The following ADAM12 variants were observed in gnomAD, a reference collection of about 807,000 sequenced individuals.
ADAM12 encodes the protein ADAM metallopeptidase domain 12.
ADAM12 carries 70 observed loss-of-function variants against 106.4 expected under a neutral mutation model. That is an observed-to-expected ratio of 0.66 (90% CI 0.54 to 0.80). ADAM12 has a LOEUF of 0.80. ADAM12 is among the 30% of genes least tolerant of loss of function. The probability of loss-of-function intolerance (pLI) is 0.00; values close to 1 mark genes in which losing one functional copy is unlikely to be tolerated. For synonymous variants in ADAM12, 420 were observed against 433.5 expected, an observed-to-expected ratio of 0.97 and a Z score of 0.39; for missense variants, 1,010 against 1,171.9, an observed-to-expected ratio of 0.86 and a Z score of 2.02.
intron 2 of ADAM12, among the ~76,000 whole-genome samples, chr10:126,306,127 T>C (rs1960834300): frequency 6.6e-6 from 1 of 152,138 alleles, no homozygotes; most frequent in South Asian, 2.1e-4. Context: ...TCTGGCATCC[T>C]TCTACTTATT....
chr10:126,281,277 T>C (rs1244430744), intron 2 of ADAM12, among the ~76,000 whole-genome samples: 1 of 152,244 alleles, frequency 6.6e-6, no homozygotes, highest in Non-Finnish European at 1.5e-5. Context: ...GTTTCATATG[T>C]ATGTATATAT....
At chr10:126,116,000 C>T (rs80296544) in intron 6 of ADAM12, among the ~76,000 whole-genome samples, 4,450 of 152,246 alleles carry the variant, frequency 0.029, 145 homozygotes, top group East Asian at 0.15. Context: ...CTGAGTTGAC[C>T]GGCATTGATG....
chr10:126,340,407 G>C (rs1854882305), intron 1 of ADAM12, among the ~76,000 whole-genome samples: 1 of 152,184 alleles, frequency 6.6e-6, no homozygotes, highest in Non-Finnish European at 1.5e-5. Context: ...CAACAACCCT[G>C]TGATATTTAT....
rs963196037 is a variant in ADAM12 at position 126,066,415 on chromosome 10, C to T, written c.1413+302G>A. 6.6e-6 allele frequency among the ~76,000 whole-genome samples: 1 copy of T among 152,208 alleles called. No homozygotes were observed. Among genetic ancestry groups the T allele is most frequent in the Non-Finnish European group, 1.5e-5 (1 of 68,040 alleles). On this transcript the variant is annotated intron_variant, in intron 13 of 22. Transcript: ENST00000448723. The surrounding 1 kb of genome is among the most constrained non-coding windows in gnomAD (Gnocchi z 5.1). ...TCTTCTTGTCAGCATAGTAGAACCC[C>T]ATGTGCCTCTGACGGCACAAATGGA...
Position 126,064,743 on chromosome 10 carries a change from C to G in ADAM12, c.1609+63G>C. 6.7e-7 allele frequency: 1 copy of G among 1,501,280 alleles called. No individual in the cohort carries two copies. Among genetic ancestry groups the G allele is most frequent in the East Asian group, 2.4e-5 (1 of 41,068 alleles). The allele number at this position is 1,501,280 out of a possible 1,614,324, so 93.0% of individuals were successfully genotyped here. On this transcript the variant is annotated intron_variant, in intron 14 of 22. Transcript: ENST00000448723. The surrounding 1 kb of genome is among the most constrained non-coding windows in gnomAD (Gnocchi z 4.4). ...GCTAACCAAAACAGAGCACATGCCC[C>G]CAGTCCCACAGCCCAGGTCTGCCAG...
chr10:126,105,693 G>T (rs1955753544), intron 8 of ADAM12, among the ~76,000 whole-genome samples: 2 of 152,226 alleles, frequency 1.3e-5, no homozygotes, highest in Admixed American at 1.3e-4. Context: ...CCCCTCCAGG[G>T]GTTCTAATGT....
chr10:126,088,054 C>T (rs1421339201), intron 11 of ADAM12, among the ~76,000 whole-genome samples: 2 of 152,130 alleles, frequency 1.3e-5, no homozygotes, highest in Non-Finnish European at 2.9e-5. Flanking sequence ...AATTATTGGT[C>T]GCTTTTTAAA....
intron 2 of ADAM12, among the ~76,000 whole-genome samples, chr10:126,321,491 G>A (rs1201920459): frequency 6.6e-6 from 1 of 152,140 alleles, no homozygotes; most frequent in East Asian, 1.9e-4. Flanking sequence ...GCCCTTCCTT[G>A]GTTGAATGAG....
At position 126,312,677 on chromosome 10, in the gene ADAM12, T is replaced by C. The variant is rs1414252065; in HGVS notation, c.186+17735A>G. 3.3e-5 allele frequency among the ~76,000 whole-genome samples: 5 copies of C among 152,112 alleles called. No homozygotes were observed. In the East Asian group the frequency reaches 5.8e-4, roughly 18 times the overall value. On this transcript the variant is annotated intron_variant, in intron 2 of 22. Coordinates refer to ENST00000448723, the MANE Select transcript of ADAM12 (RefSeq NM_001288973.2). Reference sequence around the variant, plus strand: ...CCTAAACACTAAGCCAAACATGATATCAAGATTGTGGCTGGCTTTATTAAA... The same window carrying C: ...CCTAAACACTAAGCCAAACATGATACCAAGATTGTGGCTGGCTTTATTAAA...
intron 21 of ADAM12, among the ~76,000 whole-genome samples, chr10:126,021,282 T>TATATATCTAGC (rs1953762540): frequency 6.6e-6 from 1 of 152,240 alleles, no homozygotes; most frequent in Middle Eastern, 3.2e-3. Context: ...TAGGACCCAG[T>TATATATCTAGC]ATATATCTAG....
chr10:126,274,319 G>T (rs937825447), intron 3 of ADAM12, among the ~76,000 whole-genome samples: 1 of 152,148 alleles, frequency 6.6e-6, no homozygotes, highest in Non-Finnish European at 1.5e-5. Context: ...TGTAGCAGAA[G>T]AATGACCTCC....
At chr10:126,227,192 T>C (rs890126605) in intron 3 of ADAM12, among the ~76,000 whole-genome samples, 44 of 152,118 alleles carry the variant, frequency 2.9e-4, no homozygotes, top group African/African-American at 1.1e-3. Flanking sequence ...ATCACCATTA[T>C]CACTAACACC....
chr10:126,330,862 T>A (rs113379139), intron 1 of ADAM12, among the ~76,000 whole-genome samples: 50 of 152,320 alleles, frequency 3.3e-4, no homozygotes, highest in African/African-American at 1.2e-3. Flanking sequence ...ATTTAGGATC[T>A]GCTCTGTATT....
At chr10:126,381,232 T>C (rs146134123) in intron 1 of ADAM12, among the ~76,000 whole-genome samples, 2,205 of 152,284 alleles carry the variant, frequency 0.014, 28 homozygotes, top group Non-Finnish European at 0.02. Context: ...AATACATCTA[T>C]ATGTCGAGCA....
At chr10:126,201,200 T>G (rs1339106356) in intron 3 of ADAM12, among the ~76,000 whole-genome samples, 2 of 152,232 alleles carry the variant, frequency 1.3e-5, no homozygotes, top group East Asian at 3.8e-4. Flanking sequence ...TAACTCCTAC[T>G]TCCCGGCACC....
At chr10:126,276,930 G>C (rs192545303) in intron 3 of ADAM12, among the ~76,000 whole-genome samples, 79 of 152,194 alleles carry the variant, frequency 5.2e-4, no homozygotes, top group African/African-American at 1.7e-3. Context: ...CATTTTCAGG[G>C]GGAACCATGG....
intron 3 of ADAM12, among the ~76,000 whole-genome samples, chr10:126,235,441 C>G (rs565966728): frequency 6.6e-6 from 1 of 152,288 alleles, no homozygotes; most frequent in South Asian, 2.1e-4. Context: ...CCAGGGAGCG[C>G]GGACCGCTGG....
intron 3 of ADAM12, among the ~76,000 whole-genome samples, chr10:126,240,097 G>A (rs1347704740): frequency 1.3e-5 from 2 of 151,894 alleles, no homozygotes; most frequent in South Asian, 2.1e-4. Context: ...ATTGGTGCAC[G>A]CAGTGCTCAG....
At chr10:126,034,007 A>ATGTT (rs1405956751) in intron 21 of ADAM12, among the ~76,000 whole-genome samples, 1 of 152,140 alleles carries the variant, frequency 6.6e-6, no homozygotes, top group Non-Finnish European at 1.5e-5. Flanking sequence ...TTTAAAGATT[A>ATGTT]TGTTTGGCTG....
Sources: allele counts gnomAD v4.1 joint callset (sites outside exome capture counted in the v4.1 genomes callset), GRCh38; gene constraint gnomAD v4.1.1; non-coding constraint Gnocchi (gnomAD v3.1); transcripts MANE v1.5; gene names NCBI Gene and HGNC (gene_info 2026-07-23, HGNC 2026-07-21).